The following CCDC102B variants were observed in gnomAD, a reference collection of about 807,000 sequenced individuals.
CCDC102B encodes coiled-coil domain containing 102B.
Under a neutral mutation model 57.4 loss-of-function variants are expected in CCDC102B, and 75 were observed. That is an observed-to-expected ratio of 1.31 (90% CI 1.08 to 1.58). The LOEUF is 1.58. Among genes scored for constraint, CCDC102B ranks in the 40% most tolerant of loss-of-function variants. The probability of loss-of-function intolerance (pLI) is 0.00; values close to 1 mark genes in which losing one functional copy is unlikely to be tolerated. For synonymous variants in CCDC102B, 206 were observed against 201.9 expected (o/e 1.02, Z -0.17); for missense variants, 636 against 582.6 (o/e 1.09, Z -0.94).
At chr18:68,790,733 A>G (rs1006919773) in intron 2 of CCDC102B, among the ~76,000 whole-genome samples, 3 of 151,964 alleles carry the variant, frequency 2.0e-5, no homozygotes, top group Admixed American at 6.6e-5. Flanking sequence ...ACTGTCTGGC[A>G]CTCCCTAGTG....
intron 1 of CCDC102B, among the ~76,000 whole-genome samples, chr18:68,808,960 T>TTC (rs2036143599): frequency 6.6e-6 from 1 of 152,192 alleles, no homozygotes; most frequent in Non-Finnish European, 1.5e-5. Context: ...GTTCTGAAAT[T>TTC]TATGCTATTT....
At chr18:68,798,794 G>T (rs2035728764) in intron 1 of CCDC102B, among the ~76,000 whole-genome samples, 1 of 151,890 alleles carries the variant, frequency 6.6e-6, no homozygotes. Flanking sequence ...AAAAAGTAAT[G>T]CTTAGCTATA....
At chr18:68,901,145 T>G (rs1379243777) in intron 6 of CCDC102B, among the ~76,000 whole-genome samples, 1 of 152,162 alleles carries the variant, frequency 6.6e-6, no homozygotes, top group African/African-American at 2.4e-5. Context: ...GCAAAGTCTT[T>G]CCCAATTTTC....
At chr18:68,791,380 C>T (rs2035453631) in intron 2 of CCDC102B, among the ~76,000 whole-genome samples, 1 of 152,104 alleles carries the variant, frequency 6.6e-6, no homozygotes, top group African/African-American at 2.4e-5. Context: ...GAGAAAAAAG[C>T]AGTGCTTAGC....
intron 7 of CCDC102B, among the ~76,000 whole-genome samples, chr18:69,047,425 A>G (rs1046406011): frequency 1.3e-4 from 20 of 152,030 alleles, no homozygotes; most frequent in African/African-American, 4.8e-4. Context: ...CAAACCCACA[A>G]CCAACATTAT....
intron 6 of CCDC102B, among the ~76,000 whole-genome samples, chr18:69,001,884 GC>G (rs2051211021): frequency 1.3e-5 from 2 of 152,242 alleles, no homozygotes; most frequent in South Asian, 4.2e-4. Context: ...CAGTTTCCCT[GC>G]CTTGATACAA....
At chr18:68,824,773 A>T (rs2036838890) in intron 1 of CCDC102B, among the ~76,000 whole-genome samples, 1 of 152,224 alleles carries the variant, frequency 6.6e-6, no homozygotes, top group Admixed American at 6.5e-5. Flanking sequence ...TGTTAAGCCA[A>T]AGTCTCTGTG....
intron 6 of CCDC102B, among the ~76,000 whole-genome samples, chr18:68,984,923 A>T (rs181269426): frequency 9.2e-5 from 14 of 152,296 alleles, no homozygotes; most frequent in Non-Finnish European, 1.8e-4. Context: ...GACCATCTAG[A>T]TAATTACATT....
chr18:68,945,159 T>A (rs1387785154), intron 6 of CCDC102B, among the ~76,000 whole-genome samples: 1 of 84,104 alleles, frequency 1.2e-5, no homozygotes, highest in Non-Finnish European at 3.0e-5. Context: ...CTCATCTAGC[T>A]ATCACCCCAC....
chr18:68,801,286 A>G (rs2035842220), intron 1 of CCDC102B, among the ~76,000 whole-genome samples: 1 of 152,178 alleles, frequency 6.6e-6, no homozygotes, highest in Admixed American at 6.6e-5. Context: ...GACTAATTGT[A>G]GATGCTCAAT....
At chr18:68,779,490 C>T (rs1161538976) in intron 2 of CCDC102B, among the ~76,000 whole-genome samples, 7 of 151,998 alleles carry the variant, frequency 4.6e-5, no homozygotes, top group Admixed American at 1.3e-4. Context: ...ATTTTAAAAT[C>T]TCACCTTTCT....
chr18:68,869,350 A>G (rs2156060), intron 4 of CCDC102B, among the ~76,000 whole-genome samples: 19,002 of 152,170 alleles, frequency 0.12, 1,438 homozygotes, highest in South Asian at 0.22. Context: ...CATTCTTTGC[A>G]TAAGCCCAAG....
rs189983045 is a variant in CCDC102B, at chr18:68,939,619, A to G, written c.1263+42191A>G. Among the ~76,000 whole-genome samples, 121 of 151,984 alleles carry G rather than the reference A, an allele frequency of 8.0e-4. 1 individual carries two copies. The highest frequency in any genetic ancestry group is 2.8e-3 in the Admixed American group (42 of 15,252). ...AGTAAAGTTACTTTTATTAAAGAAGATATATCACAAGCTAGAAGTCACTGC... is the reference window on the plus strand; with the variant it reads ...AGTAAAGTTACTTTTATTAAAGAAGGTATATCACAAGCTAGAAGTCACTGC... On this transcript the variant is annotated intron_variant, in intron 6 of 7. Transcript: ENST00000360242.
chr18:68,835,645 G>C (rs1364233500), intron 1 of CCDC102B, among the ~76,000 whole-genome samples: 2 of 152,072 alleles, frequency 1.3e-5, no homozygotes, highest in Non-Finnish European at 2.9e-5. Context: ...ATAAATATAG[G>C]TTATCCTGCT....
At chr18:68,787,511 T>G (rs992357673) in intron 2 of CCDC102B, among the ~76,000 whole-genome samples, 1 of 151,098 alleles carries the variant, frequency 6.6e-6, no homozygotes, top group Non-Finnish European at 1.5e-5. Context: ...TCAGATCCTG[T>G]TATTTGTCTA....
intron 6 of CCDC102B, chr18:68,908,399 C>T (rs2040719578): frequency 1.3e-5 from 2 of 152,142 alleles, no homozygotes; most frequent in Non-Finnish European, 2.9e-5. Flanking sequence ...TTCCAGAGTT[C>T]TGACAAAGTG....
At position 69,054,038 on chromosome 18, in the gene CCDC102B, T is replaced by C. The variant is rs761751584; in HGVS notation, c.1443T>C (p.Asp481=). The stretch of plus-strand genomic sequence containing the variant: ...TTCTACTTCGCTTTCAGCTTGATGA[T>C]TCCCTGAATCAGATCCGTAAGCTCC... ...GLNQKEDELD[D]SLNQIRKLQR... The change falls in exon 8 of 8, where the codon GAT becomes GAC. Residue 481 remains aspartate (D), a synonymous_variant. Coordinates refer to ENST00000360242, the MANE Select transcript of CCDC102B (RefSeq NM_024781.3). 6.2e-7 allele frequency: 1 copy of C among 1,601,376 alleles called. No homozygotes were observed. Among genetic ancestry groups the C allele is most frequent in the South Asian group, 1.1e-5 (1 of 88,894 alleles).
At chr18:69,048,075 A>G (rs894000797) in intron 7 of CCDC102B, among the ~76,000 whole-genome samples, 8 of 152,148 alleles carry the variant, frequency 5.3e-5, no homozygotes, top group Non-Finnish European at 1.0e-4. Context: ...ATATTCAAAT[A>G]CTAAAATCTA....
chr18:68,821,156 C>T (rs2036675010), intron 1 of CCDC102B, among the ~76,000 whole-genome samples: 1 of 151,924 alleles, frequency 6.6e-6, no homozygotes, highest in Non-Finnish European at 1.5e-5. Flanking sequence ...CTTCACACTA[C>T]ACAAAAATTT....
Sources: allele counts gnomAD v4.1 joint callset (sites outside exome capture counted in the v4.1 genomes callset), GRCh38; gene constraint gnomAD v4.1.1; transcripts MANE v1.5; gene names NCBI Gene and HGNC (gene_info 2026-07-23, HGNC 2026-07-21).